SMARCA2: variants seen among roughly 807,000 people sequenced by gnomAD.
The protein encoded by SMARCA2 is SWI/SNF-related matrix-associated actin-dependent regulator of chromatin subfamily A member 2.
A neutral mutation model predicts 199.8 loss-of-function variants in SMARCA2; 61 were observed. That is an observed-to-expected ratio of 0.31 (90% CI 0.25 to 0.38). The LOEUF (loss-of-function observed/expected upper bound fraction) is 0.38, where lower values mean the gene tolerates loss of function less well. Ranked by LOEUF, SMARCA2 falls within the 10% of genes least tolerant of loss-of-function variation. The pLI, the probability that SMARCA2 is intolerant of heterozygous loss-of-function variation, is 1.00. For synonymous variants in SMARCA2, 935 were observed against 732.0 expected, an observed-to-expected ratio of 1.28 and a Z score of -4.48; for missense variants, 1,344 against 2,012.2, an observed-to-expected ratio of 0.67 and a Z score of 6.35.
At chr9:2,162,758 TC>T in intron 28 of SMARCA2, 1 of 152,192 alleles carries the variant, frequency 6.6e-6, no homozygotes, top group South Asian at 2.1e-4. Flanking sequence ...AAAAATTTTT[TC>T]TTAAGGGGGT....
intron 29 of SMARCA2, among the ~76,000 whole-genome samples, chr9:2,172,099 C>T (rs1187605152): frequency 6.6e-6 from 1 of 152,168 alleles, no homozygotes; most frequent in Non-Finnish European, 1.5e-5. Flanking sequence ...GTCACACACA[C>T]TTCCTTTTCC....
chr9:2,120,323 A>G lies in SMARCA2; in HGVS notation c.3762+788A>G, dbSNP rs146591258. 2.0e-4 allele frequency among the ~76,000 whole-genome samples: 30 copies of G among 152,324 alleles called. No individual in the cohort carries two copies. In the East Asian group the frequency reaches 5.0e-3, roughly 25 times the overall value. The stretch of plus-strand genomic sequence containing the variant: ...TTACATGAGTAATTTGCATGTGTGA[A>G]GCAAGTGGGCAGAGGTAGGTGTACT... On this transcript the variant is annotated intron_variant, in intron 26 of 33. Coordinates refer to ENST00000349721, the MANE Select transcript of SMARCA2 (RefSeq NM_003070.5).
rs749591740 is a variant in SMARCA2, at chr9:2,192,840, A to C, written c.*101A>C. The C allele has an allele frequency of 1.8e-4, 150 of 832,546 alleles. No homozygotes were observed. Among genetic ancestry groups the C allele is most frequent in the Non-Finnish European group, 2.8e-4 (134 of 484,018 alleles). 51.6% of individuals were successfully genotyped at this position (832,546 alleles called of 1,614,324 possible). Reference sequence around the variant, plus strand: ...GTCATATAGGCACTGGGTTGTTTCTATATCATCATCGTCTATAAACTAGCT... The same window carrying C: ...GTCATATAGGCACTGGGTTGTTTCTCTATCATCATCGTCTATAAACTAGCT... On this transcript the variant is annotated 3_prime_UTR_variant, in exon 34 of 34. Coordinates refer to ENST00000349721, the MANE Select transcript of SMARCA2 (RefSeq NM_003070.5).
At position 2,039,427 on chromosome 9, in the gene SMARCA2, C is replaced by T. The variant is rs777128694; in HGVS notation, c.356-39C>T. ...AGGGATATCTCTCTTTCAGGGTTGT[C>T]AGGGGCAGCCTGTGATTTCCTTTTG... On this transcript the variant is annotated intron_variant, in intron 3 of 33. Transcript: ENST00000349721. The surrounding 1 kb of genome is among the most constrained non-coding windows in gnomAD (Gnocchi z 4.8). 2 of 1,589,272 alleles carry T rather than the reference C, an allele frequency of 1.3e-6. No homozygotes were observed. The highest frequency in any genetic ancestry group is 3.5e-5 in the Admixed American group (2 of 57,534).
In SMARCA2 at chr9:2,029,195, C is replaced by T. The variant is rs764338204; in HGVS notation, c.173C>T (p.Pro58Leu). 17 of 1,613,264 alleles carry T rather than the reference C, an allele frequency of 1.1e-5. No individual in the cohort carries two copies. Among genetic ancestry groups the T allele is most frequent in the Middle Eastern group, 1.6e-4 (1 of 6,082 alleles). Residue 58 changes from proline (P) to leucine (L), a missense_variant, in exon 2 of 34, where the codon CCG (proline) becomes CTG (leucine). Pro to Leu is a moderately conservative substitution (Grantham distance 98, BLOSUM62 -3). Transcript: ENST00000349721. The part of the protein sequence containing the change: ...PGPPSVSHPM[P>L]TMGSTDFPQE... Reference sequence around the variant, plus strand: ...CCTCCAAGTGTCTCCCATCCTATGCCGACGATGGGGTCCACAGACTTCCCA... The same window carrying T: ...CCTCCAAGTGTCTCCCATCCTATGCTGACGATGGGGTCCACAGACTTCCCA...
chr9:2,106,602 C>G (rs139562972), intron 23 of SMARCA2, among the ~76,000 whole-genome samples: 1 of 152,074 alleles, frequency 6.6e-6, no homozygotes, highest in African/African-American at 2.4e-5. Flanking sequence ...CCCTTCTGTC[C>G]CCCATCCCAC....
intron 3 of SMARCA2, among the ~76,000 whole-genome samples, chr9:2,038,172 T>G (rs1819414408): frequency 6.6e-6 from 1 of 152,242 alleles, no homozygotes; most frequent in South Asian, 2.1e-4. Flanking sequence ...GGCATATGCA[T>G]TAGAATCAGA....
chr9:2,120,780 G>A (rs1297292143), intron 26 of SMARCA2, among the ~76,000 whole-genome samples: 2 of 152,084 alleles, frequency 1.3e-5, no homozygotes, highest in Admixed American at 6.5e-5. Context: ...CTCCGTCCCC[G>A]AAATGAACCA....
At chr9:2,065,521 C>T (rs1190206477) in intron 9 of SMARCA2, among the ~76,000 whole-genome samples, 2 of 152,126 alleles carry the variant, frequency 1.3e-5, no homozygotes, top group Non-Finnish European at 2.9e-5. Flanking sequence ...GCAGGTTGAA[C>T]CTTCCTGGCA....
At chr9:2,140,469 T>C (rs1378447278) in intron 27 of SMARCA2, among the ~76,000 whole-genome samples, 1 of 152,186 alleles carries the variant, frequency 6.6e-6, no homozygotes, top group Non-Finnish European at 1.5e-5. Flanking sequence ...GTATATATTT[T>C]TATTTGCCAC....
intron 27 of SMARCA2, among the ~76,000 whole-genome samples, chr9:2,131,865 G>C (rs932735153): frequency 6.6e-6 from 1 of 151,098 alleles, no homozygotes; most frequent in Non-Finnish European, 1.5e-5. Context: ...ACTTGAACCT[G>C]GAGGTGGAGC....
In SMARCA2 at chr9:2,192,908, A is replaced by AC; in HGVS notation, c.*169_*170insC. On this transcript the variant is annotated 3_prime_UTR_variant, in exon 34 of 34. Transcript: ENST00000349721. ...AAACATATGATATCATGGTGTAAAA[A>AC]ACACACACATACACAAATATTTGTA... 1 of 593,870 alleles carries AC rather than the reference A, an allele frequency of 1.7e-6. No individual in the cohort carries two copies. The highest frequency in any genetic ancestry group is 3.0e-6 in the Non-Finnish European group (1 of 331,290). 36.8% of individuals were successfully genotyped at this position (593,870 alleles called of 1,614,324 possible).
intron 32 of SMARCA2, among the ~76,000 whole-genome samples, chr9:2,188,390 C>T (rs1256341899): frequency 2.0e-5 from 3 of 151,806 alleles, no homozygotes; most frequent in Admixed American, 1.3e-4. Context: ...CATACATAAG[C>T]GACTCTTTCC....
intron 14 of SMARCA2, among the ~76,000 whole-genome samples, chr9:2,080,684 A>G (rs1425645278): frequency 6.6e-6 from 1 of 152,186 alleles, no homozygotes; most frequent in African/African-American, 2.4e-5. Flanking sequence ...AGAAACCTTT[A>G]GGATGACTTT....
At chr9:2,022,149 T>G (rs530428509) in intron 1 of SMARCA2, 1 of 152,332 alleles carries the variant, frequency 6.6e-6, no homozygotes, top group East Asian at 1.9e-4. Flanking sequence ...CCAATCTGTA[T>G]TGGAGGCTTG....
At chr9:2,151,384 G>A (rs912432060) in intron 27 of SMARCA2, among the ~76,000 whole-genome samples, 1 of 151,548 alleles carries the variant, frequency 6.6e-6, no homozygotes, top group Non-Finnish European at 1.5e-5. Context: ...TGTGAAAATG[G>A]CAACAGGATA....
chr9:2,176,838 G>A (rs1366003030), intron 29 of SMARCA2, among the ~76,000 whole-genome samples: 1 of 152,072 alleles, frequency 6.6e-6, no homozygotes, highest in Admixed American at 6.6e-5. Flanking sequence ...GATTGCAGGT[G>A]TGAGCCACTG....
intron 27 of SMARCA2, chr9:2,159,037 C>G (rs901856075): frequency 6.3e-7 from 1 of 1,590,580 alleles, no homozygotes; most frequent in East Asian, 2.2e-5. Flanking sequence ...AGAATCTGCA[C>G]GTATTAGCAG....
At chr9:2,191,163 T>G in intron 32 of SMARCA2, 103 bp from the exon 33 acceptor site, 2 of 1,132,050 alleles carry the variant, frequency 1.8e-6, no homozygotes, top group Non-Finnish European at 2.6e-6. Flanking sequence ...CTGGGCACTC[T>G]GGGATGTTTG....
Sources: allele counts gnomAD v4.1 joint callset (sites outside exome capture counted in the v4.1 genomes callset), GRCh38; gene constraint gnomAD v4.1.1; non-coding constraint Gnocchi (gnomAD v3.1); transcripts MANE v1.5; gene names NCBI Gene and HGNC (gene_info 2026-07-23, HGNC 2026-07-21).